SH3GL2: variants seen among roughly 807,000 people sequenced by gnomAD.
SH3GL2 encodes endophilin-A1.
Under a neutral mutation model 46.0 loss-of-function variants are expected in SH3GL2, and 24 were observed. That is an observed-to-expected ratio of 0.52 (90% CI 0.38 to 0.73). The LOEUF (loss-of-function observed/expected upper bound fraction) is 0.73. Ranked by LOEUF, SH3GL2 falls within the 30% of genes least tolerant of loss-of-function variation. The pLI is 0.00. For synonymous variants in SH3GL2, 196 were observed against 147.1 expected, an observed-to-expected ratio of 1.33 and a Z score of -2.40; for missense variants, 413 against 424.2, an observed-to-expected ratio of 0.97 and a Z score of 0.23.
chr9:17,759,533 T>C (rs1823108419), intron 2 of SH3GL2, among the ~76,000 whole-genome samples: 1 of 152,158 alleles, frequency 6.6e-6, no homozygotes, highest in African/African-American at 2.4e-5. Flanking sequence ...GAACTAGAAC[T>C]GGGGAAGTTT....
At chr9:17,689,359 C>G (rs1821010626) in intron 1 of SH3GL2, among the ~76,000 whole-genome samples, 1 of 151,934 alleles carries the variant, frequency 6.6e-6, no homozygotes, top group Non-Finnish European at 1.5e-5. Context: ...AAAAAATGGC[C>G]ACTAGGTAAT....
chr9:17,673,369 G>A (rs914058302), intron 1 of SH3GL2, among the ~76,000 whole-genome samples: 1 of 150,138 alleles, frequency 6.7e-6, no homozygotes, highest in East Asian at 2.0e-4. Context: ...GCCGAGGCTG[G>A]TCCCGAATGC....
At chr9:17,753,095 A>G (rs1588302590) in intron 2 of SH3GL2, among the ~76,000 whole-genome samples, 1 of 152,266 alleles carries the variant, frequency 6.6e-6, no homozygotes, top group African/African-American at 2.4e-5. Flanking sequence ...CATTTTCTTT[A>G]TCCAGTCTCT....
rs1257961540 is a variant in SH3GL2 at position 17,697,825 on chromosome 9, C to G, written c.46-49241C>G. On this transcript the variant is annotated intron_variant, in intron 1 of 8. Transcript: ENST00000380607. ...CCTGATGATCAGTTCTCCCTGATGA[C>G]TTGGCCTGTGTTGCGCCTACTAAAT... 2.6e-5 allele frequency among the ~76,000 whole-genome samples: 4 copies of G among 152,182 alleles called. No homozygotes were observed. The East Asian group carries it at 7.7e-4, about 29-fold the overall frequency.
chr9:17,678,030 A>C (rs377646965), intron 1 of SH3GL2, among the ~76,000 whole-genome samples: 27 of 152,010 alleles, frequency 1.8e-4, no homozygotes, highest in African/African-American at 6.5e-4. Context: ...GTCTATCATT[A>C]TTGGACATTT....
At chr9:17,671,881 A>C (rs892037536) in intron 1 of SH3GL2, among the ~76,000 whole-genome samples, 2 of 152,228 alleles carry the variant, frequency 1.3e-5, no homozygotes, top group African/African-American at 4.8e-5. Context: ...TGGTTGAATC[A>C]GTATGTCTTT....
chr9:17,757,626 CA>C (rs1756918237), intron 2 of SH3GL2, among the ~76,000 whole-genome samples: 1 of 152,098 alleles, frequency 6.6e-6, no homozygotes, highest in Non-Finnish European at 1.5e-5. Flanking sequence ...TAGGATGCAT[CA>C]AAACTTACTT....
intron 2 of SH3GL2, among the ~76,000 whole-genome samples, chr9:17,748,806 C>G (rs1003206327): frequency 1.3e-5 from 2 of 151,990 alleles, no homozygotes; most frequent in Non-Finnish European, 2.9e-5. Context: ...ACAGAGGAAA[C>G]TCACCCATAC....
intron 1 of SH3GL2, among the ~76,000 whole-genome samples, chr9:17,722,842 G>C (rs184598096): frequency 6.6e-6 from 1 of 152,182 alleles, no homozygotes; most frequent in Admixed American, 6.5e-5. Context: ...AGTAGGATGT[G>C]GCAGATCCAG....
intron 1 of SH3GL2, among the ~76,000 whole-genome samples, chr9:17,622,438 A>G (rs1819166299): frequency 6.6e-6 from 1 of 152,218 alleles, no homozygotes. Flanking sequence ...ATGATTAAAA[A>G]TGCTTCCATA....
intron 1 of SH3GL2, among the ~76,000 whole-genome samples, chr9:17,734,173 T>A (rs956821309): frequency 6.6e-6 from 1 of 152,152 alleles, no homozygotes; most frequent in Non-Finnish European, 1.5e-5. Flanking sequence ...TCTGGAATGA[T>A]GCCATTTAGA....
At chr9:17,635,599 G>A (rs1439066952) in intron 1 of SH3GL2, among the ~76,000 whole-genome samples, 1 of 152,166 alleles carries the variant, frequency 6.6e-6, no homozygotes, top group Admixed American at 6.5e-5. Context: ...TGCCTCCTGG[G>A]GTTCGGGATG....
chr9:17,670,058 G>T (rs901460543), intron 1 of SH3GL2, among the ~76,000 whole-genome samples: 2 of 152,124 alleles, frequency 1.3e-5, no homozygotes, highest in African/African-American at 4.8e-5. Flanking sequence ...TCTGCATAGG[G>T]TGCAAATCTC....
chr9:17,626,744 T>C lies in SH3GL2; in HGVS notation c.45+47457T>C, dbSNP rs1819290658. Among the ~76,000 whole-genome samples the C allele has an allele frequency of 2.6e-5, 4 of 151,520 alleles. No homozygotes were observed. The South Asian group carries it at 8.3e-4, about 31-fold the overall frequency. ...GCTTTCTGCAGATTCTTGTGGACATTTGACAGTCCCTCTCCAAAGTATGGC... is the reference window on the plus strand; with the variant it reads ...GCTTTCTGCAGATTCTTGTGGACATCTGACAGTCCCTCTCCAAAGTATGGC... On this transcript the variant is annotated intron_variant, in intron 1 of 8. Coordinates refer to ENST00000380607, the MANE Select transcript of SH3GL2 (RefSeq NM_003026.5).
chr9:17,708,939 A>T (rs1236922578), intron 1 of SH3GL2, among the ~76,000 whole-genome samples: 1 of 151,980 alleles, frequency 6.6e-6, no homozygotes, highest in African/African-American at 2.4e-5. Flanking sequence ...TCCAGCATCA[A>T]TGTTATTACC....
chr9:17,632,868 C>G (rs1756241777), intron 1 of SH3GL2, among the ~76,000 whole-genome samples: 1 of 152,132 alleles, frequency 6.6e-6, no homozygotes. Context: ...TGAATTGGTC[C>G]AGCTTTGTTG....
intron 1 of SH3GL2, among the ~76,000 whole-genome samples, chr9:17,725,528 G>A (rs1244769625): frequency 6.6e-6 from 1 of 152,108 alleles, no homozygotes; most frequent in Non-Finnish European, 1.5e-5. Flanking sequence ...CAGTCAGCAA[G>A]GCAGAAGGGG....
intron 1 of SH3GL2, among the ~76,000 whole-genome samples, chr9:17,680,026 T>C (rs1241252927): frequency 6.6e-6 from 1 of 152,194 alleles, no homozygotes; most frequent in Non-Finnish European, 1.5e-5. Flanking sequence ...CTGGATTCGG[T>C]TTGCCAGTAT....
At chr9:17,747,817 G>T (rs969527739) in intron 2 of SH3GL2, among the ~76,000 whole-genome samples, 3 of 151,978 alleles carry the variant, frequency 2.0e-5, no homozygotes, top group African/African-American at 7.3e-5. Flanking sequence ...GGGATTACAG[G>T]CACGCACCAC....
Sources: allele counts gnomAD v4.1 joint callset (sites outside exome capture counted in the v4.1 genomes callset), GRCh38; gene constraint gnomAD v4.1.1; transcripts MANE v1.5; gene names NCBI Gene and HGNC (gene_info 2026-07-23, HGNC 2026-07-21).